Variants in NRXN1 observed in about 807,000 individuals in gnomAD.
The protein encoded by NRXN1 is neurexin-1.
Under a neutral mutation model 150.9 loss-of-function variants are expected in NRXN1, and 39 were observed. The ratio of observed to expected loss-of-function variants is 0.26; its 90% CI spans 0.20 to 0.34. NRXN1 has a LOEUF of 0.34. Ranked by LOEUF, NRXN1 falls within the 10% of genes least tolerant of loss-of-function variation. The pLI is 1.00. For synonymous variants in NRXN1, 924 were observed against 757.0 expected (o/e 1.22, Z -3.62); for missense variants, 1,815 against 1,949.9 (o/e 0.93, Z 1.30).
At chr2:50,353,720 A>G (rs1470252342) in intron 17 of NRXN1, among the ~76,000 whole-genome samples, 1 of 152,116 alleles carries the variant, frequency 6.6e-6, no homozygotes, top group East Asian at 1.9e-4. Context: ...ATGAGCTGCG[A>G]TGTGGTTTTT....
chr2:50,170,162 CACAT>C (rs1323524188), intron 18 of NRXN1, among the ~76,000 whole-genome samples: 3 of 151,944 alleles, frequency 2.0e-5, no homozygotes, highest in African/African-American at 7.3e-5. Flanking sequence ...CACACACACA[CACAT>C]ATGTACACTC....
chr2:50,794,444 C>T (rs1706503421), intron 5 of NRXN1, among the ~76,000 whole-genome samples: 1 of 152,078 alleles, frequency 6.6e-6, no homozygotes, highest in African/African-American at 2.4e-5. Flanking sequence ...AAATATCTCC[C>T]ACTCAACACA....
chr2:50,801,868 C>G (rs529703040), intron 5 of NRXN1, among the ~76,000 whole-genome samples: 1 of 152,070 alleles, frequency 6.6e-6, no homozygotes, highest in African/African-American at 2.4e-5. Flanking sequence ...TTCCTTAAAT[C>G]GAAATCAAAC....
chr2:50,925,015 C>A (rs959086090), intron 3 of NRXN1, among the ~76,000 whole-genome samples: 1 of 151,732 alleles, frequency 6.6e-6, no homozygotes, highest in African/African-American at 2.4e-5. Context: ...ATAAAATATA[C>A]TAAATGCTGT....
chr2:50,295,919 C>G (rs1190534488), intron 17 of NRXN1, among the ~76,000 whole-genome samples: 1 of 152,178 alleles, frequency 6.6e-6, no homozygotes, highest in Non-Finnish European at 1.5e-5. Context: ...CAGTTTATTA[C>G]AGTAATTTCC....
intron 5 of NRXN1, among the ~76,000 whole-genome samples, chr2:50,920,410 TA>T (rs1685840680): frequency 2.0e-5 from 3 of 151,742 alleles, no homozygotes; most frequent in South Asian, 2.1e-4. Context: ...GTTGTATAAT[TA>T]AAAAATTATT....
intron 21 of NRXN1, among the ~76,000 whole-genome samples, chr2:50,017,660 C>CT (rs143759409): frequency 3.4e-4 from 47 of 138,500 alleles, no homozygotes; most frequent in East Asian, 1.7e-3. Flanking sequence ...AAAACACAGC[C>CT]TTTTTTTTTT....
chr2:50,230,439 C>A (rs944036253), intron 18 of NRXN1, among the ~76,000 whole-genome samples: 1 of 151,834 alleles, frequency 6.6e-6, no homozygotes. Context: ...ATAATTGCAG[C>A]GGCATCAATG....
intron 17 of NRXN1, among the ~76,000 whole-genome samples, chr2:50,251,216 G>C (rs1044969669): frequency 6.6e-6 from 1 of 151,922 alleles, no homozygotes; most frequent in Non-Finnish European, 1.5e-5. Context: ...ACTGTGGTGA[G>C]CTCCCCTTCC....
At position 50,329,661 on chromosome 2, in the gene NRXN1, ATATATATATATATTTT is replaced by A. The variant is rs1225983307; in HGVS notation, c.3365-92707_3365-92692del. 6.4e-3 allele frequency among the ~76,000 whole-genome samples: 178 copies of A among 27,992 alleles called. 7 individuals carry two copies. Among genetic ancestry groups the A allele is most frequent in the African/African-American group, 0.022 (110 of 5,064 alleles). 18.4% of individuals were successfully genotyped at this position (27,992 alleles called of 152,430 possible). The stretch of plus-strand genomic sequence containing the variant: ...TATATATATATATATATATATATAT[ATATATATATATATTTT>A]TTTTTTTCCCCCCCGAGACGGAGTC... On this transcript the variant is annotated intron_variant, in intron 17 of 22. Coordinates refer to ENST00000401669, the MANE Select transcript of NRXN1 (RefSeq NM_001330078.2).
chr2:50,393,155 C>A (rs534156115), intron 17 of NRXN1, among the ~76,000 whole-genome samples: 1 of 147,114 alleles, frequency 6.8e-6, no homozygotes, highest in East Asian at 2.1e-4. Flanking sequence ...TTTAAGGGCC[C>A]TCTCCATACC....
At chr2:50,089,448 C>A (rs903938936) in intron 19 of NRXN1, among the ~76,000 whole-genome samples, 2 of 152,266 alleles carry the variant, frequency 1.3e-5, no homozygotes, top group East Asian at 3.9e-4. Context: ...ATTACCAATA[C>A]ACCTTTCTGT....
At chr2:50,484,866 G>C (rs987478962) in intron 15 of NRXN1, among the ~76,000 whole-genome samples, 1 of 140,528 alleles carries the variant, frequency 7.1e-6, no homozygotes, top group African/African-American at 2.5e-5. Context: ...GCTTGATTAA[G>C]ATTTTTTATG....
chr2:50,621,530 G>A (rs1271828741), intron 6 of NRXN1, among the ~76,000 whole-genome samples: 1 of 152,154 alleles, frequency 6.6e-6, no homozygotes, highest in African/African-American at 2.4e-5. Flanking sequence ...CTACTAGACA[G>A]AAACAGACAC....
At chr2:50,555,323 T>C (rs923238473) in intron 8 of NRXN1, among the ~76,000 whole-genome samples, 1 of 152,140 alleles carries the variant, frequency 6.6e-6, no homozygotes, top group Non-Finnish European at 1.5e-5. Flanking sequence ...GTCTCTTGAA[T>C]CTGACATCAG....
At chr2:50,670,247 A>T (rs1688650633) in intron 5 of NRXN1, among the ~76,000 whole-genome samples, 1 of 151,920 alleles carries the variant, frequency 6.6e-6, no homozygotes. Flanking sequence ...CCATAAAATC[A>T]GTAAGAAGCT....
chr2:50,312,765 A>G (rs578008402), intron 17 of NRXN1: 28 of 516,330 alleles, frequency 5.4e-5, no homozygotes, highest in Non-Finnish European at 9.7e-5. Context: ...TTGCAATTTC[A>G]GCTACTTCAT....
chr2:50,815,230 A>T (rs9309202), intron 5 of NRXN1, among the ~76,000 whole-genome samples: 67,698 of 151,944 alleles, frequency 0.45, 15,587 homozygotes, highest in African/African-American at 0.55. Flanking sequence ...GGTACACAAG[A>T]CAAGACAGAC....
chr2:50,919,308 C>T (rs574813774), intron 5 of NRXN1: 2 of 151,564 alleles, frequency 1.3e-5, no homozygotes, highest in East Asian at 3.9e-4. Context: ...GTGCTTACCT[C>T]GAGAGAAAGG....
Sources: gnomAD v4.1 joint callset for allele counts (sites outside exome capture counted in the v4.1 genomes callset) on GRCh38, gnomAD v4.1.1 for gene constraint, MANE v1.5 for transcripts, NCBI Gene and HGNC (gene_info 2026-07-23, HGNC 2026-07-21) for gene names.